The following PCDH9 variants were observed in gnomAD, a reference collection of about 807,000 sequenced individuals.
PCDH9 encodes the protein protocadherin 9.
Under a neutral mutation model 70.6 loss-of-function variants are expected in PCDH9, and 24 were observed. That is an observed-to-expected ratio of 0.34 (90% confidence interval 0.25 to 0.48). PCDH9 has a LOEUF of 0.48. Ranked by LOEUF, PCDH9 falls within the 20% of genes least tolerant of loss-of-function variation. The probability of loss-of-function intolerance (pLI) is 0.99; values close to 1 mark genes in which losing one functional copy is unlikely to be tolerated. For synonymous variants in PCDH9, 562 were observed against 558.5 expected, an observed-to-expected ratio of 1.01 and a Z score of -0.09; for missense variants, 1,281 against 1,503.6, an observed-to-expected ratio of 0.85 and a Z score of 2.45.
At chr13:66,384,831 A>T (rs913501202) in intron 4 of PCDH9, among the ~76,000 whole-genome samples, 2 of 151,046 alleles carry the variant, frequency 1.3e-5, no homozygotes, top group African/African-American at 4.9e-5. Flanking sequence ...CTCCCAGATA[A>T]TTTTTTTTTG....
intron 2 of PCDH9, among the ~76,000 whole-genome samples, chr13:66,984,779 A>G (rs1183101089): frequency 6.6e-6 from 1 of 152,198 alleles, no homozygotes; most frequent in African/African-American, 2.4e-5. Context: ...TTTTAGCAAA[A>G]TAATTTACAA....
intron 4 of PCDH9, among the ~76,000 whole-genome samples, chr13:66,453,473 A>G (rs967766584): frequency 3.3e-5 from 5 of 152,082 alleles, no homozygotes; most frequent in Non-Finnish European, 7.4e-5. Context: ...CAGCACTATA[A>G]TCTATCCCCA....
chr13:66,815,073 C>T (rs540822279), intron 3 of PCDH9, among the ~76,000 whole-genome samples: 1 of 151,670 alleles, frequency 6.6e-6, no homozygotes, highest in South Asian at 2.1e-4. Context: ...GTAAAACGAA[C>T]AAAAACACAA....
chr13:66,997,102 A>C (rs1241420617), intron 2 of PCDH9, among the ~76,000 whole-genome samples: 1 of 152,190 alleles, frequency 6.6e-6, no homozygotes, highest in Non-Finnish European at 1.5e-5. Flanking sequence ...TCCAAAAGAA[A>C]CTTATCCATT....
chr13:67,001,956 G>A (rs1012239328), intron 2 of PCDH9: 1 of 152,156 alleles, frequency 6.6e-6, no homozygotes, highest in Non-Finnish European at 1.5e-5. Context: ...GGTTTCCACT[G>A]TATTGAATCA....
chr13:66,673,114 C>A (rs2078199206), intron 3 of PCDH9, among the ~76,000 whole-genome samples: 1 of 152,114 alleles, frequency 6.6e-6, no homozygotes, highest in Non-Finnish European at 1.5e-5. Flanking sequence ...TGGGTCTCCA[C>A]CCAAATCTCA....
intron 3 of PCDH9, among the ~76,000 whole-genome samples, chr13:66,823,184 A>AT (rs1159514864): frequency 6.6e-6 from 1 of 151,996 alleles, no homozygotes; most frequent in Non-Finnish European, 1.5e-5. Context: ...TAGAGAATTT[A>AT]TTTTTAGAGG....
chr13:66,592,535 G>A (rs915784387), intron 4 of PCDH9, among the ~76,000 whole-genome samples: 19 of 151,544 alleles, frequency 1.3e-4, no homozygotes, highest in Admixed American at 7.3e-4. Flanking sequence ...AAAAACAATC[G>A]CGTTTACCTT....
intron 4 of PCDH9, among the ~76,000 whole-genome samples, chr13:66,432,281 A>G (rs1957785785): frequency 6.6e-6 from 1 of 152,028 alleles, no homozygotes; most frequent in African/African-American, 2.4e-5. Flanking sequence ...AGCAGACCCA[A>G]TAGAAGAATA....
chr13:67,116,619 G>A (rs1318829298), intron 2 of PCDH9, among the ~76,000 whole-genome samples: 1 of 152,160 alleles, frequency 6.6e-6, no homozygotes, highest in East Asian at 1.9e-4. Flanking sequence ...TGGGTGAGTA[G>A]CAACTAATAT....
intron 2 of PCDH9, among the ~76,000 whole-genome samples, chr13:66,944,025 A>G (rs1006999600): frequency 2.0e-5 from 3 of 149,908 alleles, no homozygotes; most frequent in Non-Finnish European, 3.0e-5. Flanking sequence ...ATAACTTAAC[A>G]CTATTGTGAG....
intron 4 of PCDH9, among the ~76,000 whole-genome samples, chr13:66,309,897 T>A (rs978522633): frequency 3.1e-4 from 47 of 151,864 alleles, no homozygotes; most frequent in African/African-American, 1.1e-3. Flanking sequence ...ATACTATTTG[T>A]GCTACATCAT....
At chr13:67,204,931 A>T (rs1228461314) in intron 2 of PCDH9, 4 of 152,194 alleles carry the variant, frequency 2.6e-5, no homozygotes, top group Non-Finnish European at 5.9e-5. Flanking sequence ...CTTCCATGAA[A>T]ATCTGCTAAA....
intron 4 of PCDH9, among the ~76,000 whole-genome samples, chr13:66,456,384 C>T (rs1433361670): frequency 6.6e-6 from 1 of 152,064 alleles, no homozygotes; most frequent in Non-Finnish European, 1.5e-5. Flanking sequence ...GCCTCAATCT[C>T]CTGAGCGGCT....
chr13:66,905,872 T>C (rs2082351833), intron 2 of PCDH9, among the ~76,000 whole-genome samples: 1 of 152,180 alleles, frequency 6.6e-6, no homozygotes, highest in Admixed American at 6.6e-5. Context: ...GGATTTGCCC[T>C]GTAAAAGCAG....
chr13:66,332,486 A>T (rs1955961411), intron 4 of PCDH9, among the ~76,000 whole-genome samples: 1 of 152,194 alleles, frequency 6.6e-6, no homozygotes, highest in Non-Finnish European at 1.5e-5. Flanking sequence ...CACTGGCTCA[A>T]CAAATAAATA....
chr13:67,006,666 A>G (rs753143768), intron 2 of PCDH9, among the ~76,000 whole-genome samples: 2 of 152,194 alleles, frequency 1.3e-5, no homozygotes, highest in African/African-American at 4.8e-5. Context: ...AATTAAGGTC[A>G]TTTATTCTAA....
chr13:66,869,891 G>A (rs1433777458), intron 3 of PCDH9, among the ~76,000 whole-genome samples: 3 of 152,152 alleles, frequency 2.0e-5, no homozygotes, highest in African/African-American at 7.2e-5. Flanking sequence ...GAAGAGAAGT[G>A]AAGGTAAGAA....
intron 4 of PCDH9, among the ~76,000 whole-genome samples, chr13:66,503,903 A>C (rs940354497): frequency 6.6e-6 from 1 of 152,216 alleles, no homozygotes; most frequent in African/African-American, 2.4e-5. Flanking sequence ...AAAACTATTA[A>C]GTCAACAGAA....
Sources: gnomAD v4.1 joint callset for allele counts (sites outside exome capture counted in the v4.1 genomes callset) on GRCh38, gnomAD v4.1.1 for gene constraint, MANE v1.5 for transcripts, NCBI Gene and HGNC (gene_info 2026-07-23, HGNC 2026-07-21) for gene names.